TCF21: variants seen among roughly 807,000 people sequenced by gnomAD.
TCF21 encodes the protein capsulin.
Under a neutral mutation model 13.5 loss-of-function variants are expected in TCF21, and 3 were observed. The observed-to-expected ratio is 0.22, with a 90% CI of 0.10 to 0.57. The LOEUF (loss-of-function observed/expected upper bound fraction) is 0.57, where lower values mean the gene tolerates loss of function less well. Ranked by LOEUF, TCF21 falls within the 20% of genes least tolerant of loss-of-function variation. The pLI, the probability that TCF21 is intolerant of heterozygous loss-of-function variation, is 0.92. For synonymous variants in TCF21, 92 were observed against 101.7 expected, an observed-to-expected ratio of 0.90 and a Z score of 0.57; for missense variants, 181 against 238.4, an observed-to-expected ratio of 0.76 and a Z score of 1.59.
intron 1 of TCF21, among the ~76,000 whole-genome samples, chr6:133,891,295 C>A (rs1380830744): frequency 3.9e-5 from 6 of 152,250 alleles, no homozygotes; most frequent in Non-Finnish European, 8.8e-5. Context: ...CAGGAGGGCG[C>A]TTCGCCCCGA....
At chr6:133,894,250 C>A (rs907749629), downstream of TCF21, 2 of 152,174 alleles carry the variant, frequency 1.3e-5, no homozygotes, top group African/African-American at 4.8e-5. Context: ...CTCTCTCTTT[C>A]TGTCTCTCTT....
rs752397483 is a variant in TCF21 at position 133,891,748 on chromosome 6, T to C, written c.486T>C (p.Ser162=). The change falls in exon 2 of 2, where the codon AGT becomes AGC. Residue 162 remains serine, a synonymous_variant. Coordinates refer to ENST00000367882, the MANE Select transcript of TCF21 (RefSeq NM_003206.4). ...TTATGGTGGCCGGGAAACCCGAGAG[T>C]GACCTGAAAGAAGTGGTGACCGCGA... is the stretch of plus-strand genomic sequence containing the variant. ...WPFMVAGKPE[S]DLKEVVTASR... is the part of the protein sequence containing the mutation. The C allele has an allele frequency of 6.2e-7, 1 of 1,610,238 alleles. No homozygotes were observed. The highest frequency in any genetic ancestry group is 8.5e-7 in the Non-Finnish European group (1 of 1,179,404).
chr6:133,892,526 C>T (rs948833781), downstream of TCF21: 2 of 152,216 alleles, frequency 1.3e-5, no homozygotes, highest in Admixed American at 6.5e-5. Flanking sequence ...CACAGTTATA[C>T]AGTTCAAGAG....
rs1040641470 is a variant in TCF21 at position 133,891,909 on chromosome 6, T to A, written c.*107T>A. ...TGTCTCTGCTTCCCCCTCGCAATGC[T>A]CCTCTCTCTGTCCCACCCCGCGAGA... On this transcript the variant is annotated 3_prime_UTR_variant, in exon 2 of 2. Coordinates refer to ENST00000367882, the MANE Select transcript of TCF21 (RefSeq NM_003206.4). 74 of 1,167,002 alleles carry A rather than the reference T, an allele frequency of 6.3e-5. No homozygotes were observed. In the East Asian group the frequency reaches 1.8e-3, roughly 28 times the overall value. 72.3% of individuals were successfully genotyped at this position (1,167,002 alleles called of 1,614,324 possible). A position where few individuals can be genotyped will look rare whatever the true frequency, so the allele number is the denominator to read the frequency against.
At chr6:133,893,489 T>C (rs1244514915), downstream of TCF21, 1 of 152,204 alleles carries the variant, frequency 6.6e-6, no homozygotes, top group East Asian at 1.9e-4. Flanking sequence ...CAAGAACACA[T>C]TTCAAGCTCT....
chr6:133,894,932 T>C (rs921234782), downstream of TCF21: 1 of 152,110 alleles, frequency 6.6e-6, no homozygotes, highest in African/African-American at 2.4e-5. Context: ...GAATGAAGTG[T>C]TTCAAGTAAG....
chr6:133,890,285 A>C (rs549822777), intron 1 of TCF21, among the ~76,000 whole-genome samples: 1 of 152,312 alleles, frequency 6.6e-6, no homozygotes, highest in African/African-American at 2.4e-5. Context: ...CTTTCCTTGT[A>C]AATAAAAACA....
intron 1 of TCF21, among the ~76,000 whole-genome samples, chr6:133,890,797 G>A (rs888267197): frequency 6.6e-6 from 1 of 152,228 alleles, no homozygotes; most frequent in African/African-American, 2.4e-5. Context: ...CACTAGAGCA[G>A]TAGTGAGAGG....
downstream of TCF21, chr6:133,893,575 C>T (rs1395998304): frequency 6.6e-6 from 1 of 152,188 alleles, no homozygotes; most frequent in Non-Finnish European, 1.5e-5. Flanking sequence ...CTCAACCTAT[C>T]CAGAGTTCAA....
chr6:133,894,641 C>CTT (rs374340772), downstream of TCF21: 2 of 152,692 alleles, frequency 1.3e-5, no homozygotes, highest in African/African-American at 4.8e-5. Context: ...AGGTCTCTCT[C>CTT]CTCCGGTCTT....
downstream of TCF21, chr6:133,895,450 G>C (rs1433476794): frequency 6.6e-6 from 1 of 152,184 alleles, no homozygotes. Flanking sequence ...TTCACTCCAG[G>C]ATGGCACGCA....
chr6:133,891,965 C>G lies in TCF21; in HGVS notation c.*163C>G. On this transcript the variant is annotated 3_prime_UTR_variant, in exon 2 of 2. Transcript: ENST00000367882. ...TTACAACGACGAGGAGATTCGTTTC[C>G]AAACCAGAGGAGATCAATTGTACTT... 1 of 673,352 alleles carries G rather than the reference C, an allele frequency of 1.5e-6. No individual in the cohort carries two copies. Among genetic ancestry groups the G allele is most frequent in the South Asian group, 1.9e-5 (1 of 53,022 alleles). 41.7% of individuals were successfully genotyped at this position (673,352 alleles called of 1,614,324 possible).
At chr6:133,891,676 C>T in intron 1 of TCF21, 37 bp from the exon 2 acceptor site, 2 of 1,607,208 alleles carry the variant, frequency 1.2e-6, no homozygotes, top group Non-Finnish European at 1.7e-6. Context: ...CCCTCCGCCA[C>T]GGCCACTTAC....
At chr6:133,895,002 C>CCT (rs1435578394), downstream of TCF21, 4 of 145,430 alleles carry the variant, frequency 2.8e-5, no homozygotes, top group Admixed American at 1.4e-4. Flanking sequence ...CCAGGGAAGT[C>CCT]CTCTCTCTCG....
chr6:133,890,408 T>A (rs1775192291), intron 1 of TCF21, among the ~76,000 whole-genome samples: 1 of 152,214 alleles, frequency 6.6e-6, no homozygotes. Context: ...GTGCTTCTCC[T>A]ATAAGTGGAT....
At chr6:133,891,483 G>GACC (rs1775216146) in intron 1 of TCF21, among the ~76,000 whole-genome samples, 1 of 152,204 alleles carries the variant, frequency 6.6e-6, no homozygotes, top group Non-Finnish European at 1.5e-5. Context: ...CATTCTAAAA[G>GACC]ACCACCACCA....
Position 133,892,084 on chromosome 6 carries a change from A to G in TCF21, c.*282A>G. ...AAGTGCAATATGTAATTATAAATAT[A>G]TAAATAGATAAGAGCCTATCAATGT... On this transcript the variant is annotated 3_prime_UTR_variant, in exon 2 of 2. Transcript: ENST00000367882. The G allele has an allele frequency of 3.1e-6, 1 of 323,200 alleles. No homozygotes were observed. Among genetic ancestry groups the G allele is most frequent in the Non-Finnish European group, 5.8e-6 (1 of 171,826 alleles). The allele number at this position is 323,200 out of a possible 1,614,324, so 20.0% of individuals were successfully genotyped here. A position where few individuals can be genotyped will look rare whatever the true frequency, so the allele number is the denominator to read the frequency against.
downstream of TCF21, chr6:133,893,813 GC>G (rs1775259037): frequency 6.6e-6 from 1 of 152,172 alleles, no homozygotes; most frequent in Non-Finnish European, 1.5e-5. Flanking sequence ...ATAATTTGAA[GC>G]CTTTGCTTTA....
Position 133,892,056 on chromosome 6 carries a change from T to A in TCF21, c.*254T>A. 2.3e-6 allele frequency: 1 copy of A among 439,344 alleles called. No homozygotes were observed. The allele number at this position is 439,344 out of a possible 1,614,324, so 27.2% of individuals were successfully genotyped here. ...TGAATGACTCTGCAAGCCTTGCTGGTCCAAGTGCAATATGTAATTATAAAT... is the reference window on the plus strand; with the variant it reads ...TGAATGACTCTGCAAGCCTTGCTGGACCAAGTGCAATATGTAATTATAAAT... On this transcript the variant is annotated 3_prime_UTR_variant, in exon 2 of 2. Transcript: ENST00000367882.
Sources: gnomAD v4.1 joint callset for allele counts (sites outside exome capture counted in the v4.1 genomes callset) on GRCh38, gnomAD v4.1.1 for gene constraint, MANE v1.5 for transcripts, NCBI Gene and HGNC (gene_info 2026-07-23, HGNC 2026-07-21) for gene names.